PITPNA: variants seen among roughly 807,000 people sequenced by gnomAD.
The protein encoded by PITPNA is phosphatidylinositol transfer protein alpha isoform.
In PITPNA, 13 loss-of-function variants were observed where a neutral mutation model predicts 50.3. The observed-to-expected ratio is 0.26, with a 90% CI of 0.17 to 0.41. The LOEUF is 0.41. Among genes scored for constraint, PITPNA ranks in the 10% least tolerant of loss-of-function variants. The probability of loss-of-function intolerance (pLI) is 1.00; values close to 1 mark genes in which losing one functional copy is unlikely to be tolerated. For synonymous variants in PITPNA, 120 were observed against 119.6 expected (o/e 1.00, Z -0.02); for missense variants, 207 against 333.4 (o/e 0.62, Z 2.95).
rs942801318 is a variant in PITPNA at position 1,547,772 on chromosome 17, T to C, written c.289+524A>G. Among the ~76,000 whole-genome samples the C allele has an allele frequency of 9.2e-5, 14 of 152,206 alleles. No individual in the cohort carries two copies. In the East Asian group the frequency reaches 2.5e-3, roughly 27 times the overall value. On this transcript the variant is annotated intron_variant, in intron 4 of 11. Coordinates refer to ENST00000313486, the MANE Select transcript of PITPNA (RefSeq NM_006224.4). ...ACTTTGGGAGGCCAAGGTGGGCGGA[T>C]AACCTGAGGTCAGGAGGTCGAGACC...
intron 7 of PITPNA, chr17:1,535,720 G>C (rs2075611827): frequency 5.1e-6 from 3 of 586,636 alleles, no homozygotes; most frequent in Non-Finnish European, 9.1e-6. Flanking sequence ...TTCTCCGATA[G>C]GGTTTGTTTT....
At chr17:1,546,796 A>C (rs2151010762) in intron 4 of PITPNA, among the ~76,000 whole-genome samples, 1 of 152,334 alleles carries the variant, frequency 6.6e-6, no homozygotes, top group Non-Finnish European at 1.5e-5. Flanking sequence ...ACTCGAAAGA[A>C]ATTTAAGAAT....
chr17:1,521,029 G>A (rs1598401163), intron 11 of PITPNA, among the ~76,000 whole-genome samples: 1 of 152,160 alleles, frequency 6.6e-6, no homozygotes, highest in East Asian at 1.9e-4. Flanking sequence ...GAAACAAGGG[G>A]CCCCCAATCT....
At chr17:1,551,288 CT>C (rs1215788872) in intron 3 of PITPNA, among the ~76,000 whole-genome samples, 1,745 of 142,678 alleles carry the variant, frequency 0.012, 13 homozygotes, top group African/African-American at 0.025. Context: ...TCTTTTTTTT[CT>C]TTTTTTTTTT....
chr17:1,551,501 C>T (rs1292987157), intron 3 of PITPNA, among the ~76,000 whole-genome samples: 1 of 152,030 alleles, frequency 6.6e-6, no homozygotes, highest in African/African-American at 2.4e-5. Context: ...CTATGTTGCC[C>T]AGGCTGGTCT....
chr17:1,559,813 CTT>C, intron 1 of PITPNA: 1 of 980,584 alleles, frequency 1.0e-6, no homozygotes, highest in Non-Finnish European at 1.2e-6. Flanking sequence ...GGCTCCAAGT[CTT>C]TACTGCCTGC....
chr17:1,525,697 T>C (rs2075543549), intron 10 of PITPNA, among the ~76,000 whole-genome samples: 1 of 152,074 alleles, frequency 6.6e-6, no homozygotes, highest in Non-Finnish European at 1.5e-5. Flanking sequence ...TTTCTATTTT[T>C]AGTAGAGACG....
chr17:1,551,884 CGGTGAGGAGACTGGGTGAT>C (rs2075711485), intron 3 of PITPNA, among the ~76,000 whole-genome samples: 1 of 134,686 alleles, frequency 7.4e-6, no homozygotes, highest in African/African-American at 2.9e-5. Flanking sequence ...GACTGGGTGA[CGGTGAGGAGACTGGGTGAT>C]GGTGAGACTC....
At chr17:1,548,033 A>G (rs1297513091) in intron 4 of PITPNA, among the ~76,000 whole-genome samples, 1 of 152,214 alleles carries the variant, frequency 6.6e-6, no homozygotes, top group Non-Finnish European at 1.5e-5. Flanking sequence ...CTAGAAAAAT[A>G]TACTAAAATG....
intron 10 of PITPNA, among the ~76,000 whole-genome samples, chr17:1,527,562 A>G (rs2075555149): frequency 6.6e-6 from 1 of 152,080 alleles, no homozygotes; most frequent in Non-Finnish European, 1.5e-5. Context: ...TTTGTTTTTA[A>G]CAGTGGTTTC....
rs118080062 is a variant in PITPNA, at chr17:1,543,097, C to G, written c.290-70G>C. The stretch of plus-strand genomic sequence containing the variant: ...TGAAGATGAAGAAATATCTGCCCCC[C>G]ACCCCCCACAAGGAGGACGAATGGC... On this transcript the variant is annotated intron_variant, in intron 4 of 11. Transcript: ENST00000313486. 16 of 1,243,614 alleles carry G rather than the reference C, an allele frequency of 1.3e-5. No individual in the cohort carries two copies. In the African/African-American group the frequency reaches 1.5e-4, roughly 12 times the overall value. The allele number at this position is 1,243,614 out of a possible 1,614,324, so 77.0% of individuals were successfully genotyped here. A position where few individuals can be genotyped will look rare whatever the true frequency, so the allele number is the denominator to read the frequency against.
intron 6 of PITPNA, among the ~76,000 whole-genome samples, chr17:1,540,185 C>A (rs187884251): frequency 4.5e-4 from 69 of 151,788 alleles, no homozygotes; most frequent in Admixed American, 8.5e-4. Flanking sequence ...ACATGCTGAC[C>A]CGCTGTAAAG....
chr17:1,553,213 G>A (rs9895971), intron 2 of PITPNA, 64 bp from the exon 3 acceptor site: 156,565 of 1,571,024 alleles, frequency 0.1, 13,936 homozygotes, highest in East Asian at 0.42. Context: ...ACGTAATCCA[G>A]CTGCCAGTAA....
intron 1 of PITPNA, 131 bp from the exon 2 acceptor site, chr17:1,558,690 C>T (rs1215726420): frequency 2.9e-6 from 2 of 680,198 alleles, no homozygotes; most frequent in Non-Finnish European, 5.3e-6. Context: ...GAAAACCCCA[C>T]AGAGAATGGC....
At chr17:1,524,189 T>C (rs964925965) in intron 10 of PITPNA, among the ~76,000 whole-genome samples, 50 of 151,690 alleles carry the variant, frequency 3.3e-4, no homozygotes, top group African/African-American at 1.1e-3. Context: ...AGACTATAGG[T>C]GCCCACCAAC....
intron 4 of PITPNA, 88 bp from the exon 5 acceptor site, chr17:1,543,115 C>A: frequency 9.7e-7 from 1 of 1,030,668 alleles, no homozygotes; most frequent in Non-Finnish European, 1.4e-6. Context: ...ACAAGGAGGA[C>A]GAATGGCAGA....
rs541052766 is a variant in PITPNA at position 1,541,702 on chromosome 17, CCATTACTGGAGATGGG to C, written c.298-78_298-63del. The stretch of plus-strand genomic sequence containing the variant: ...GTTCACAGTTGAGAGTAACCATCTC[CCATTACTGGAGATGGG>C]CATTACTGGATCATGGGCAGCTAGG... On this transcript the variant is annotated intron_variant, in intron 5 of 11. Coordinates refer to ENST00000313486, the MANE Select transcript of PITPNA (RefSeq NM_006224.4). 2.2e-5 allele frequency: 23 copies of C among 1,057,068 alleles called. No individual in the cohort carries two copies. The African/African-American group carries it at 3.4e-4, about 16-fold the overall frequency. The allele number at this position is 1,057,068 out of a possible 1,614,324, so 65.5% of individuals were successfully genotyped here.
Position 1,560,319 on chromosome 17 carries a change from A to G in PITPNA, c.21-1760T>C, listed in dbSNP as rs148577261. On this transcript the variant is annotated intron_variant, in intron 1 of 11. Transcript: ENST00000313486. Reference sequence around the variant, plus strand: ...CCGGGCTGGGCCTGGAGCGGCACTCACTCTAATGTGACCTTCACTCGCACC... The same window carrying G: ...CCGGGCTGGGCCTGGAGCGGCACTCGCTCTAATGTGACCTTCACTCGCACC... Among the ~76,000 whole-genome samples, 832 of 152,172 alleles carry G rather than the reference A, an allele frequency of 5.5e-3. 8 individuals carry two copies. The highest frequency in any genetic ancestry group is 6.5e-3 in the Non-Finnish European group (442 of 67,998).
intron 2 of PITPNA, among the ~76,000 whole-genome samples, chr17:1,555,554 C>T (rs1447894695): frequency 6.6e-6 from 1 of 152,202 alleles, no homozygotes; most frequent in Non-Finnish European, 1.5e-5. Context: ...GATGATGTTC[C>T]TTGCTCTTGA....
Sources: allele counts gnomAD v4.1 joint callset (sites outside exome capture counted in the v4.1 genomes callset), GRCh38; gene constraint gnomAD v4.1.1; transcripts MANE v1.5; gene names NCBI Gene and HGNC (gene_info 2026-07-23, HGNC 2026-07-21).